CACNA1C: variants seen among roughly 807,000 people sequenced by gnomAD.
The protein encoded by CACNA1C is calcium voltage-gated channel subunit alpha1 C, also known as voltage-dependent L-type calcium channel subunit alpha-1C.
CACNA1C carries 30 observed loss-of-function variants against 229.0 expected under a neutral mutation model. The ratio of observed to expected loss-of-function variants is 0.13; its 90% CI spans 0.10 to 0.18. The LOEUF is 0.18. Among genes scored for constraint, CACNA1C ranks in the 10% least tolerant of loss-of-function variants. CACNA1C has a pLI of 1.00. For missense variants in CACNA1C, 1,658 were observed against 2,845.0 expected (o/e 0.58, Z 9.49); for synonymous variants, 1,114 against 1,132.5 (o/e 0.98, Z 0.33).
chr12:2,517,465 AAAGAGGACGTGATACTC>A (rs1167025146), intron 9 of CACNA1C, among the ~76,000 whole-genome samples: 1 of 152,238 alleles, frequency 6.6e-6, no homozygotes, highest in Non-Finnish European at 1.5e-5. Context: ...GTCTTGGAAA[AAAGAGGACGTGATACTC>A]AAGAGCCATT....
At chr12:2,047,326 T>G (rs1414322730) in intron 1 of CACNA1C, among the ~76,000 whole-genome samples, 3 of 152,222 alleles carry the variant, frequency 2.0e-5, no homozygotes, top group Non-Finnish European at 4.4e-5. Flanking sequence ...ATGAGCACAC[T>G]GTGCACCCCA....
At chr12:2,514,205 C>T (rs2099791190) in intron 9 of CACNA1C, among the ~76,000 whole-genome samples, 1 of 152,200 alleles carries the variant, frequency 6.6e-6, no homozygotes, top group Non-Finnish European at 1.5e-5. Context: ...CTGCCAGGAG[C>T]AGAAACAGGT....
intron 13 of CACNA1C, among the ~76,000 whole-genome samples, chr12:2,572,389 CTCCTTCT>C (rs2055488076): frequency 2.8e-5 from 1 of 35,778 alleles, no homozygotes; most frequent in Non-Finnish European, 4.9e-5. Context: ...CCTCTTCCTC[CTCCTTCT>C]TCTCTTCCTC....
rs558942049 is a variant in CACNA1C at position 2,574,566 on chromosome 12, A to G, written c.1895+6772A>G. Among the ~76,000 whole-genome samples, 123 of 152,290 alleles carry G rather than the reference A, an allele frequency of 8.1e-4. 1 individual carries two copies. Among genetic ancestry groups the G allele is most frequent in the African/African-American group, 2.9e-3 (120 of 41,562 alleles). ...ATGGGAGCTGGGGCTGATTCAGCAC[A>G]GACAGATTGGCTCATAAATCTTGGC... On this transcript the variant is annotated intron_variant, in intron 13 of 46. Transcript: ENST00000399655.
intron 5 of CACNA1C, among the ~76,000 whole-genome samples, chr12:2,465,460 G>A (rs1341896471): frequency 1.3e-5 from 2 of 152,188 alleles, no homozygotes; most frequent in Non-Finnish European, 2.9e-5. Flanking sequence ...GGGGATGGAA[G>A]GACATCTGAG....
chr12:2,084,443 C>A (rs750683346), intron 1 of CACNA1C, among the ~76,000 whole-genome samples: 1 of 152,158 alleles, frequency 6.6e-6, no homozygotes, highest in Non-Finnish European at 1.5e-5. Flanking sequence ...TTCTTATAGC[C>A]CTCCAGATTT....
intron 3 of CACNA1C, among the ~76,000 whole-genome samples, chr12:2,363,183 G>A (rs2097610320): frequency 6.6e-6 from 1 of 152,128 alleles, no homozygotes; most frequent in Non-Finnish European, 1.5e-5. Context: ...TTCCCTGGCT[G>A]ACCATAGCAT....
At chr12:2,377,860 C>T (rs1417888017) in intron 3 of CACNA1C, among the ~76,000 whole-genome samples, 1 of 152,190 alleles carries the variant, frequency 6.6e-6, no homozygotes, top group Non-Finnish European at 1.5e-5. Context: ...CGAGGCCTCC[C>T]TGTGTCCTGT....
At chr12:2,603,041 A>G (rs1434970436) in intron 22 of CACNA1C, among the ~76,000 whole-genome samples, 8 of 152,128 alleles carry the variant, frequency 5.3e-5, no homozygotes, top group Non-Finnish European at 1.2e-4. Context: ...GAGTGTTTTC[A>G]TGGTTGGCTG....
intron 9 of CACNA1C, among the ~76,000 whole-genome samples, chr12:2,540,570 G>A (rs557964875): frequency 6.6e-6 from 1 of 152,290 alleles, no homozygotes; most frequent in South Asian, 2.1e-4. Context: ...GCTGTGGTGT[G>A]AGAGCGGTGA....
chr12:2,289,313 A>G (rs1465289269), intron 3 of CACNA1C, among the ~76,000 whole-genome samples: 1 of 152,200 alleles, frequency 6.6e-6, no homozygotes, highest in Non-Finnish European at 1.5e-5. Flanking sequence ...ACTATGCCCA[A>G]TAGTCATCCT....
At chr12:2,001,789 T>C (rs1006707180) in intron 1 of CACNA1C, among the ~76,000 whole-genome samples, 6 of 152,240 alleles carry the variant, frequency 3.9e-5, no homozygotes, top group African/African-American at 1.4e-4. Flanking sequence ...TTAGTCACTT[T>C]AGGGCAGTTT....
chr12:2,404,903 G>A (rs909583962), intron 3 of CACNA1C, among the ~76,000 whole-genome samples: 15 of 152,166 alleles, frequency 9.9e-5, no homozygotes, highest in Non-Finnish European at 1.9e-4. Flanking sequence ...CCACGTACAT[G>A]TTTCTGACTT....
At chr12:2,578,806 G>T (rs568488325) in intron 13 of CACNA1C, among the ~76,000 whole-genome samples, 8 of 152,176 alleles carry the variant, frequency 5.3e-5, no homozygotes, top group African/African-American at 4.8e-5. Context: ...GTTGAGGGAG[G>T]CAGGGGCGGC....
intron 1 of CACNA1C, among the ~76,000 whole-genome samples, chr12:1,972,938 G>A (rs1374211934): frequency 2.6e-5 from 4 of 152,138 alleles, no homozygotes; most frequent in African/African-American, 4.8e-5. Context: ...CAGCAATGAC[G>A]CTGCCTGTGT....
chr12:2,215,958 G>A lies in CACNA1C; in HGVS notation c.477+95528G>A, dbSNP rs1009989177. Among the ~76,000 whole-genome samples, 14 of 152,188 alleles carry A rather than the reference G, an allele frequency of 9.2e-5. No homozygotes were observed. Among genetic ancestry groups the A allele is most frequent in the African/African-American group, 2.4e-4 (10 of 41,456 alleles). ...ATCCTGTTCTCGAAGTCACCATGCC[G>A]CCCATCAGTTGACATGCTCTGTTGT... On this transcript the variant is annotated intron_variant, in intron 3 of 46. Transcript: ENST00000399655. The surrounding 1 kb of genome is among the most constrained non-coding windows in gnomAD (Gnocchi z 5.0).
intron 5 of CACNA1C, among the ~76,000 whole-genome samples, chr12:2,472,587 T>C (rs928183615): frequency 1.3e-5 from 2 of 151,436 alleles, no homozygotes; most frequent in African/African-American, 2.4e-5. Flanking sequence ...TGGATACATA[T>C]GTAGCACTCT....
intron 3 of CACNA1C, among the ~76,000 whole-genome samples, chr12:2,428,715 A>G (rs1418601439): frequency 2.0e-5 from 3 of 152,198 alleles, no homozygotes; most frequent in African/African-American, 7.2e-5. Flanking sequence ...GGTTGGCTGG[A>G]CATTTCCTTA....
chr12:2,384,762 G>GGACA (rs1252492335), intron 3 of CACNA1C, among the ~76,000 whole-genome samples: 4 of 152,116 alleles, frequency 2.6e-5, no homozygotes, highest in African/African-American at 9.7e-5. Flanking sequence ...GGCACTGCAG[G>GGACA]GACAGATGAA....
Sources: allele counts gnomAD v4.1 joint callset (sites outside exome capture counted in the v4.1 genomes callset), GRCh38; gene constraint gnomAD v4.1.1; non-coding constraint Gnocchi (gnomAD v3.1); transcripts MANE v1.5; gene names NCBI Gene and HGNC (gene_info 2026-07-23, HGNC 2026-07-21).